CAPZA1: variants seen among roughly 807,000 people sequenced by gnomAD.
The protein encoded by CAPZA1 is F-actin-capping protein subunit alpha-1.
CAPZA1 carries 10 observed loss-of-function variants against 40.8 expected under a neutral mutation model. The ratio of observed to expected loss-of-function variants is 0.25; its 90% CI spans 0.15 to 0.42. The LOEUF (loss-of-function observed/expected upper bound fraction) is 0.42, where lower values mean the gene tolerates loss of function less well. Among genes scored for constraint, CAPZA1 ranks in the 10% least tolerant of loss-of-function variants. The pLI is 1.00. For missense variants in CAPZA1, 277 were observed against 353.8 expected (o/e 0.78, Z 1.74); for synonymous variants, 98 against 115.0 (o/e 0.85, Z 0.95).
chr1:112,658,816 CCT>C (rs3838411), intron 5 of CAPZA1, among the ~76,000 whole-genome samples: 111 of 152,246 alleles, frequency 7.3e-4, no homozygotes, highest in African/African-American at 2.5e-3. Flanking sequence ...GCAGTATTTC[CCT>C]CTGTTTTCAT....
intron 1 of CAPZA1, among the ~76,000 whole-genome samples, chr1:112,630,318 A>AT (rs1670895532): frequency 6.6e-6 from 1 of 151,150 alleles, no homozygotes; most frequent in Non-Finnish European, 1.5e-5. Flanking sequence ...CAATTATTTT[A>AT]TTTTTTATTT....
intron 6 of CAPZA1, 44 bp downstream of exon 6, chr1:112,659,145 A>C (rs765448860): frequency 1.5e-6 from 2 of 1,311,838 alleles, no homozygotes; most frequent in African/African-American, 1.5e-5. Flanking sequence ...GAAAGAAACC[A>C]GCAGTTGAGA....
chr1:112,667,166 G>C lies in CAPZA1; in HGVS notation c.657+21G>C, dbSNP rs896637202. ...TTTCGGTGAGTATGGAATATTTAGTGTCTGTCTTACTCATGTCTCGTTTTT... is the reference window on the plus strand; with the variant it reads ...TTTCGGTGAGTATGGAATATTTAGTCTCTGTCTTACTCATGTCTCGTTTTT... On this transcript the variant is annotated intron_variant, in intron 8 of 9. Transcript: ENST00000263168. 2.6e-6 allele frequency: 4 copies of C among 1,533,318 alleles called. No homozygotes were observed. The African/African-American group carries it at 5.5e-5, about 21-fold the overall frequency. 95.0% of individuals were successfully genotyped at this position (1,533,318 alleles called of 1,614,324 possible). A position where few individuals can be genotyped will look rare whatever the true frequency, so the allele number is the denominator to read the frequency against.
At chr1:112,633,086 C>G (rs2101144435) in intron 1 of CAPZA1, among the ~76,000 whole-genome samples, 1 of 152,268 alleles carries the variant, frequency 6.6e-6, no homozygotes, top group East Asian at 1.9e-4. Flanking sequence ...ACACAGATAA[C>G]AGTAACTTTT....
At chr1:112,659,611 C>T in intron 6 of CAPZA1, 90 bp from the exon 7 acceptor site, 1 of 932,474 alleles carries the variant, frequency 1.1e-6, no homozygotes, top group Non-Finnish European at 1.7e-6. Flanking sequence ...TTTTTGCACC[C>T]CTCTTTCCCA....
rs67876993 is a variant in CAPZA1 at position 112,660,838 on chromosome 1, C to CTTT, written c.585+1082_585+1084dup. The stretch of plus-strand genomic sequence containing the variant: ...TTTAACAACAATTACCAAGAGTTGT[C>CTTT]TTTTTTTTTTTTTTTTTTTTTTTTT... On this transcript the variant is annotated intron_variant, in intron 7 of 9. Coordinates refer to ENST00000263168, the MANE Select transcript of CAPZA1 (RefSeq NM_006135.3). Among the ~76,000 whole-genome samples the CTTT allele has an allele frequency of 1.0e-3, 69 of 66,002 alleles. 1 individual carries two copies. The highest frequency in any genetic ancestry group is 1.8e-3 in the African/African-American group (27 of 14,696). 43.3% of individuals were successfully genotyped at this position (66,002 alleles called of 152,430 possible).
At chr1:112,657,558 T>G (rs1042100354) in intron 5 of CAPZA1, among the ~76,000 whole-genome samples, 20 of 152,170 alleles carry the variant, frequency 1.3e-4, no homozygotes, top group African/African-American at 4.3e-4. Flanking sequence ...TTCTAGAAAT[T>G]ATCTTTTACT....
chr1:112,623,128 G>A (rs369696674), intron 1 of CAPZA1, among the ~76,000 whole-genome samples: 3 of 152,066 alleles, frequency 2.0e-5, no homozygotes, highest in African/African-American at 4.8e-5. Flanking sequence ...CTCGTGATCC[G>A]CCTGCCTTGG....
intron 3 of CAPZA1, among the ~76,000 whole-genome samples, chr1:112,652,125 A>AC (rs1671401076): frequency 6.6e-6 from 1 of 151,160 alleles, no homozygotes. Context: ...CATCACCCCC[A>AC]CCCCCCAAAA....
At chr1:112,640,404 G>C (rs1223570160) in intron 1 of CAPZA1, among the ~76,000 whole-genome samples, 23 of 118,980 alleles carry the variant, frequency 1.9e-4, no homozygotes, top group South Asian at 2.7e-4. Context: ...CCGTCCGGGA[G>C]GTGAGGGGCG....
chr1:112,660,500 G>T (rs1028100844), intron 7 of CAPZA1, among the ~76,000 whole-genome samples: 1 of 151,936 alleles, frequency 6.6e-6, no homozygotes, highest in East Asian at 1.9e-4. Context: ...GGCTGGTCTC[G>T]ATCTCCTGAC....
chr1:112,660,985 G>A (rs1375689380), intron 7 of CAPZA1, among the ~76,000 whole-genome samples: 3 of 151,480 alleles, frequency 2.0e-5, no homozygotes, highest in Non-Finnish European at 4.4e-5. Context: ...AGCCTCCCAA[G>A]TAGCTGGGAT....
intron 5 of CAPZA1, 96 bp downstream of exon 5, chr1:112,654,767 T>C (rs930790616): frequency 1.3e-6 from 1 of 749,996 alleles, no homozygotes; most frequent in African/African-American, 1.7e-5. Context: ...TACTTTCTTC[T>C]TAGCCATGCT....
At position 112,671,041 on chromosome 1, in the gene CAPZA1, A is replaced by G. The variant is rs948833792; in HGVS notation, c.*909A>G. ...TGAATTAAACAGCTATGTAAATCAT[A>G]AAGAAAAACTAAAAATGAACCAAAG... On this transcript the variant is annotated 3_prime_UTR_variant, in exon 10 of 10. Coordinates refer to ENST00000263168, the MANE Select transcript of CAPZA1 (RefSeq NM_006135.3). The G allele has an allele frequency of 1.3e-5, 2 of 152,660 alleles. No individual in the cohort carries two copies. The highest frequency in any genetic ancestry group is 2.9e-5 in the Non-Finnish European group (2 of 68,044). 9.5% of individuals were successfully genotyped at this position (152,660 alleles called of 1,614,324 possible).
intron 1 of CAPZA1, among the ~76,000 whole-genome samples, chr1:112,624,248 ACTTTT>A (rs1670751257): frequency 1.3e-5 from 2 of 152,072 alleles, no homozygotes; most frequent in African/African-American, 4.8e-5. Context: ...TTTTCACTAT[ACTTTT>A]CTTTTCCATA....
intron 1 of CAPZA1, among the ~76,000 whole-genome samples, chr1:112,628,225 C>G (rs537250544): frequency 6.6e-6 from 1 of 152,130 alleles, no homozygotes; most frequent in South Asian, 2.1e-4. Flanking sequence ...TTTTTGGAAC[C>G]AGTTGTCAGG....
At chr1:112,632,713 A>G (rs1207879330) in intron 1 of CAPZA1, among the ~76,000 whole-genome samples, 1 of 152,252 alleles carries the variant, frequency 6.6e-6, no homozygotes, top group Admixed American at 6.5e-5. Context: ...AAAAGCAATT[A>G]TTCCCTAGAG....
chr1:112,641,980 T>G (rs562261762), intron 1 of CAPZA1, among the ~76,000 whole-genome samples: 8 of 142,778 alleles, frequency 5.6e-5, no homozygotes, highest in Non-Finnish European at 1.1e-4. Context: ...TATTTGTTGT[T>G]TAAAAAAAAA....
chr1:112,653,944 A>G (rs1337598935), intron 4 of CAPZA1, among the ~76,000 whole-genome samples: 1 of 152,232 alleles, frequency 6.6e-6, no homozygotes, highest in African/African-American at 2.4e-5. Flanking sequence ...GAGTAACAAC[A>G]GACATTATAT....
Sources: allele counts gnomAD v4.1 joint callset (sites outside exome capture counted in the v4.1 genomes callset), GRCh38; gene constraint gnomAD v4.1.1; transcripts MANE v1.5; gene names NCBI Gene and HGNC (gene_info 2026-07-23, HGNC 2026-07-21).